The following GRM8 variants were observed in gnomAD, a reference collection of about 807,000 sequenced individuals.
GRM8 encodes the protein glutamate metabotropic receptor 8, also known as metabotropic glutamate receptor 8.
Under a neutral mutation model 87.2 loss-of-function variants are expected in GRM8, and 47 were observed. The ratio of observed to expected loss-of-function variants is 0.54; its 90% CI spans 0.43 to 0.69. GRM8 has a LOEUF of 0.69. Among genes scored for constraint, GRM8 ranks in the 30% least tolerant of loss-of-function variants. The pLI is 0.00. For synonymous variants in GRM8, 396 were observed against 404.5 expected, an observed-to-expected ratio of 0.98 and a Z score of 0.25; for missense variants, 1,019 against 1,139.2, an observed-to-expected ratio of 0.89 and a Z score of 1.52.
intron 6 of GRM8, among the ~76,000 whole-genome samples, chr7:126,813,858 G>A (rs894693758): frequency 2.6e-5 from 4 of 152,058 alleles, no homozygotes; most frequent in Non-Finnish European, 4.4e-5. Flanking sequence ...CAAGGCTCAT[G>A]TTTTATGGGA....
intron 3 of GRM8, among the ~76,000 whole-genome samples, chr7:126,910,249 G>T (rs1214115765): frequency 1.3e-5 from 2 of 152,000 alleles, no homozygotes; most frequent in African/African-American, 4.8e-5. Flanking sequence ...CTTTCATACT[G>T]CAGCAATCAT....
chr7:126,620,886 G>T (rs980052462), intron 7 of GRM8, among the ~76,000 whole-genome samples: 1 of 151,852 alleles, frequency 6.6e-6, no homozygotes, highest in Non-Finnish European at 1.5e-5. Context: ...CTTTGTTAGT[G>T]CAATCCTCTC....
chr7:126,658,942 C>G (rs1431246151), intron 7 of GRM8, among the ~76,000 whole-genome samples: 1 of 152,010 alleles, frequency 6.6e-6, no homozygotes, highest in Non-Finnish European at 1.5e-5. Context: ...GCAGCCTTGA[C>G]AAGCGGCCGC....
chr7:126,862,120 T>A (rs1426332467), intron 6 of GRM8, among the ~76,000 whole-genome samples: 1 of 152,018 alleles, frequency 6.6e-6, no homozygotes, highest in African/African-American at 2.4e-5. Flanking sequence ...TGTGTTTAAA[T>A]TTGTCTGCAT....
chr7:126,593,508 C>T (rs1416236600), intron 8 of GRM8, among the ~76,000 whole-genome samples: 1 of 151,982 alleles, frequency 6.6e-6, no homozygotes, highest in Non-Finnish European at 1.5e-5. Context: ...AAATCACAGT[C>T]TTTTCAATAA....
chr7:126,886,999 A>G (rs1467607266), intron 6 of GRM8, among the ~76,000 whole-genome samples: 1 of 152,120 alleles, frequency 6.6e-6, no homozygotes, highest in African/African-American at 2.4e-5. Context: ...CAGACAAAGA[A>G]AACTCATTCA....
chr7:126,656,661 CTG>C (rs1440100999), intron 7 of GRM8, among the ~76,000 whole-genome samples: 1 of 151,946 alleles, frequency 6.6e-6, no homozygotes, highest in African/African-American at 2.4e-5. Context: ...AAGCAAGACT[CTG>C]TCTCAAAAAT....
chr7:126,704,621 G>A (rs1243960281), intron 7 of GRM8, among the ~76,000 whole-genome samples: 1 of 152,118 alleles, frequency 6.6e-6, no homozygotes, highest in Admixed American at 6.6e-5. Context: ...CCCTGAGAAA[G>A]AGAATGCGCC....
chr7:127,243,209 T>C lies in GRM8; in HGVS notation c.-5A>G. On this transcript the variant is annotated 5_prime_UTR_variant, in exon 2 of 11. Transcript: ENST00000339582. The stretch of plus-strand genomic sequence containing the variant: ...TCGCTTTCCCTCGCATACCATTTTC[T>C]CCACAGGTGGTATTGCAATCCAAGA... The C allele has an allele frequency of 1.2e-6, 2 of 1,600,284 alleles. No homozygotes were observed. The highest frequency in any genetic ancestry group is 8.5e-7 in the Non-Finnish European group (1 of 1,177,874).
At chr7:126,985,032 A>AAC (rs1563381854) in intron 3 of GRM8, among the ~76,000 whole-genome samples, 1 of 151,614 alleles carries the variant, frequency 6.6e-6, no homozygotes, top group Non-Finnish European at 1.5e-5. Context: ...ACACACACAC[A>AAC]ACACACACAC....
chr7:126,697,889 A>G (rs1434164248), intron 7 of GRM8, among the ~76,000 whole-genome samples: 1 of 152,218 alleles, frequency 6.6e-6, no homozygotes, highest in Non-Finnish European at 1.5e-5. Flanking sequence ...TGGAACCCCA[A>G]GTTCACTGAA....
At chr7:126,609,120 G>T (rs61757841) in intron 8 of GRM8, among the ~76,000 whole-genome samples, 3,303 of 152,084 alleles carry the variant, frequency 0.022, 41 homozygotes, top group Non-Finnish European at 0.035. Context: ...TTATCTAAGG[G>T]TATAGTCAAC....
chr7:126,752,248 G>A (rs1247042533), intron 7 of GRM8, among the ~76,000 whole-genome samples: 1 of 152,006 alleles, frequency 6.6e-6, no homozygotes, highest in African/African-American at 2.4e-5. Context: ...GTGCACTATA[G>A]TATGCCTGTG....
intron 2 of GRM8, among the ~76,000 whole-genome samples, chr7:127,204,559 C>G (rs945070175): frequency 3.3e-5 from 5 of 152,146 alleles, no homozygotes; most frequent in African/African-American, 1.2e-4. Context: ...TTCCATGATG[C>G]TCCTGATCCC....
At chr7:126,771,781 G>A (rs1585869191) in intron 6 of GRM8, among the ~76,000 whole-genome samples, 1 of 151,940 alleles carries the variant, frequency 6.6e-6, no homozygotes, top group Admixed American at 6.6e-5. Flanking sequence ...ATCTCTGCAG[G>A]GGATTCCCTA....
At chr7:126,631,870 C>G (rs1257892070) in intron 7 of GRM8, among the ~76,000 whole-genome samples, 1 of 152,104 alleles carries the variant, frequency 6.6e-6, no homozygotes, top group East Asian at 1.9e-4. Flanking sequence ...ACACCTTATA[C>G]AAAAATTAAC....
At chr7:126,732,932 G>A (rs975402415) in intron 7 of GRM8, among the ~76,000 whole-genome samples, 3 of 152,064 alleles carry the variant, frequency 2.0e-5, no homozygotes, top group African/African-American at 2.4e-5. Flanking sequence ...CTACATGCAC[G>A]TGTCCCAGGA....
At chr7:127,175,452 C>A (rs755593522) in intron 2 of GRM8, among the ~76,000 whole-genome samples, 6 of 152,074 alleles carry the variant, frequency 3.9e-5, no homozygotes, top group Non-Finnish European at 8.8e-5. Context: ...AGAAGAAATA[C>A]TTGAAAGTAA....
intron 9 of GRM8, chr7:126,512,148 T>C (rs925562289): frequency 3.9e-5 from 6 of 151,986 alleles, no homozygotes; most frequent in East Asian, 1.9e-4. Flanking sequence ...AGGATGAAAA[T>C]TGGCCATTGT....
Sources: allele counts gnomAD v4.1 joint callset (sites outside exome capture counted in the v4.1 genomes callset), GRCh38; gene constraint gnomAD v4.1.1; transcripts MANE v1.5; gene names NCBI Gene and HGNC (gene_info 2026-07-23, HGNC 2026-07-21).